Variants in SORL1-AS1 observed in about 807,000 individuals in gnomAD.
SORL1-AS1 encodes SORL1 antisense RNA 1.
At chr11:121,442,346 C>T (rs1182148711), downstream of SORL1-AS1, among the ~76,000 whole-genome samples, 1 of 152,098 alleles carries the variant, frequency 6.6e-6, no homozygotes, top group East Asian at 1.9e-4. Context: ...GATTAAGACT[C>T]AATTGGGGCT....
the SORL1-AS1 span, among the ~76,000 whole-genome samples, chr11:121,441,560 C>A: frequency 1.5e-5 from 2 of 137,266 alleles, no homozygotes; most frequent in African/African-American, 5.8e-5. Context: ...AGAATAAGGC[C>A]TCTATTTCCC....
chr11:121,442,997 G>GC (rs1565293627), downstream of SORL1-AS1, among the ~76,000 whole-genome samples: 1 of 105,754 alleles, frequency 9.5e-6, no homozygotes, highest in African/African-American at 3.4e-5. Context: ...TCTCACAAAA[G>GC]AAAAAAAAAA....
intron 1 of SORL1-AS1, among the ~76,000 whole-genome samples, chr11:121,451,461 G>C (rs1317425716): frequency 6.6e-6 from 1 of 152,172 alleles, no homozygotes; most frequent in African/African-American, 2.4e-5. Context: ...CTCAGTGCTT[G>C]GTCACCTTGG....
rs1343173612 is a variant in SORL1-AS1 at position 121,452,720 on chromosome 11, T to C, written n.294A>G. The C allele has an allele frequency of 2.9e-6, 3 of 1,026,328 alleles. No individual in the cohort carries two copies. Among genetic ancestry groups the C allele is most frequent in the African/African-American group, 1.7e-5 (1 of 59,116 alleles). 63.6% of individuals were successfully genotyped at this position (1,026,328 alleles called of 1,614,324 possible). On this transcript the variant is annotated non_coding_transcript_exon_variant, in exon 1 of 2. Transcript: ENST00000501964. This position sits in a 1 kb window ranked among gnomAD's most constrained non-coding sequence, Gnocchi z 5.3. ...GTCGCCTCCTAGGTGCAGGCACCAC[T>C]GGGGACTTCCCGGCTTGCATTTGTT...
At chr11:121,440,086 C>A in the SORL1-AS1 span, among the ~76,000 whole-genome samples, 1 of 152,126 alleles carries the variant, frequency 6.6e-6, no homozygotes, top group Non-Finnish European at 1.5e-5. Context: ...GGAAATGATA[C>A]CCCAGGGTGG....
At chr11:121,444,467 G>A (rs186333614), downstream of SORL1-AS1, among the ~76,000 whole-genome samples, 184 of 152,314 alleles carry the variant, frequency 1.2e-3, no homozygotes, top group African/African-American at 4.2e-3. Context: ...CAGATCCAGC[G>A]GGTCTCTGGC....
chr11:121,451,283 G>C (rs1039826547), intron 1 of SORL1-AS1, among the ~76,000 whole-genome samples: 1 of 152,208 alleles, frequency 6.6e-6, no homozygotes, highest in Admixed American at 6.5e-5. Context: ...GCGTACCTTA[G>C]CAGTTCCATG....
Position 121,452,519 on chromosome 11 carries a change from G to T in SORL1-AS1, n.339+156C>A. ...CCGCGCGAGCTGCGGCTGTGGGCGCGCGGGGATGCCAGGGGGGCGAGCCGC... is the reference window on the plus strand; with the variant it reads ...CCGCGCGAGCTGCGGCTGTGGGCGCTCGGGGATGCCAGGGGGGCGAGCCGC... On this transcript the variant is annotated intron_variant and non_coding_transcript_variant, in intron 1 of 1. Transcript: ENST00000501964. This position sits in a 1 kb window ranked among gnomAD's most constrained non-coding sequence, Gnocchi z 5.3. 6.8e-7 allele frequency: 1 copy of T among 1,480,046 alleles called. No homozygotes were observed. The highest frequency in any genetic ancestry group is 8.9e-7 in the Non-Finnish European group (1 of 1,120,268). 91.7% of individuals were successfully genotyped at this position (1,480,046 alleles called of 1,614,324 possible).
At chr11:121,440,794 T>G in the SORL1-AS1 span, among the ~76,000 whole-genome samples, 1 of 152,246 alleles carries the variant, frequency 6.6e-6, no homozygotes, top group Non-Finnish European at 1.5e-5. Flanking sequence ...GTCGCATTTC[T>G]ACGTAGCTGT....
downstream of SORL1-AS1, among the ~76,000 whole-genome samples, chr11:121,445,255 C>T (rs940773384): frequency 2.0e-4 from 31 of 152,190 alleles, no homozygotes; most frequent in Non-Finnish European, 4.1e-4. Flanking sequence ...GTCGCACCCT[C>T]TGGGAGATTA....
In SORL1-AS1 at chr11:121,452,415, C is replaced by T. The variant is rs200230538; in HGVS notation, n.339+260G>A. On this transcript the variant is annotated intron_variant and non_coding_transcript_variant, in intron 1 of 1. Transcript: ENST00000501964. The surrounding 1 kb of genome is among the most constrained non-coding windows in gnomAD (Gnocchi z 5.3). ...CACTGCTGCCGCCCGGAGCTCTCTG[C>T]GAAGTCTGGACGCAGAGGCTGCACG... 1 of 1,523,774 alleles carries T rather than the reference C, an allele frequency of 6.6e-7. No homozygotes were observed. The highest frequency in any genetic ancestry group is 8.8e-7 in the Non-Finnish European group (1 of 1,138,718). 94.4% of individuals were successfully genotyped at this position (1,523,774 alleles called of 1,614,324 possible). A position where few individuals can be genotyped will look rare whatever the true frequency, so the allele number is the denominator to read the frequency against.
exon 2 of SORL1-AS1, chr11:121,448,319 T>G (rs2134751760): frequency 6.6e-6 from 1 of 152,340 alleles, no homozygotes; most frequent in Middle Eastern, 3.4e-3. Context: ...ACCTCATCAA[T>G]TATCTTGGAC....
intron 1 of SORL1-AS1, among the ~76,000 whole-genome samples, chr11:121,451,420 A>G (rs1477245524): frequency 6.6e-6 from 1 of 152,076 alleles, no homozygotes; most frequent in Non-Finnish European, 1.5e-5. Flanking sequence ...GGACTGGTAA[A>G]TATGTCTATT....
downstream of SORL1-AS1, among the ~76,000 whole-genome samples, chr11:121,443,236 G>C (rs1048666078): frequency 6.6e-6 from 1 of 152,130 alleles, no homozygotes; most frequent in Non-Finnish European, 1.5e-5. Flanking sequence ...TTGAGATTTA[G>C]AGCTACCCTG....
At chr11:121,444,687 C>T (rs770723278), downstream of SORL1-AS1, among the ~76,000 whole-genome samples, 44 of 152,282 alleles carry the variant, frequency 2.9e-4, no homozygotes, top group Non-Finnish European at 4.4e-4. Context: ...AATGAGGACA[C>T]GGTGGGTGTC....
In SORL1-AS1 at chr11:121,452,548, G is replaced by T. The variant is rs1860819058; in HGVS notation, n.339+127C>A. 1 of 1,502,824 alleles carries T rather than the reference G, an allele frequency of 6.7e-7. No homozygotes were observed. Among genetic ancestry groups the T allele is most frequent in the Non-Finnish European group, 8.8e-7 (1 of 1,132,232 alleles). The allele number at this position is 1,502,824 out of a possible 1,614,324, so 93.1% of individuals were successfully genotyped here. ...GGATGCCAGGGGGGCGAGCCGCGCG[G>T]ACGAGAAGCCGCTCCGGAGGAAACG... On this transcript the variant is annotated intron_variant and non_coding_transcript_variant, in intron 1 of 1. Transcript: ENST00000501964. The surrounding 1 kb of genome is among the most constrained non-coding windows in gnomAD (Gnocchi z 5.3).
At chr11:121,440,146 GTAGA>G in the SORL1-AS1 span, among the ~76,000 whole-genome samples, 1 of 152,204 alleles carries the variant, frequency 6.6e-6, no homozygotes, top group African/African-American at 2.4e-5. Flanking sequence ...GCCAAGGCAG[GTAGA>G]TCACTTGAGG....
At chr11:121,447,297 C>A, downstream of SORL1-AS1, 1 of 152,816 alleles carries the variant, frequency 6.5e-6, no homozygotes, top group Non-Finnish European at 1.4e-5. Flanking sequence ...AACAGTGGAA[C>A]CAAAACTTGA....
In SORL1-AS1 at chr11:121,452,760, G is replaced by A. The variant is rs1201204449; in HGVS notation, n.254C>T. 3 of 661,714 alleles carry A rather than the reference G, an allele frequency of 4.5e-6. No individual in the cohort carries two copies. The highest frequency in any genetic ancestry group is 7.0e-6 in the Non-Finnish European group (3 of 430,258). The allele number at this position is 661,714 out of a possible 1,614,324, so 41.0% of individuals were successfully genotyped here. ...TTGCATTTGTTTTTTTCCTTCACGA[G>A]TACAACCGTCAGCACTTGAATCGCA... On this transcript the variant is annotated non_coding_transcript_exon_variant, in exon 1 of 2. Transcript: ENST00000501964. This position sits in a 1 kb window ranked among gnomAD's most constrained non-coding sequence, Gnocchi z 5.3.
Sources: gnomAD v4.1 joint callset for allele counts (sites outside exome capture counted in the v4.1 genomes callset) on GRCh38, gnomAD v4.1.1 for gene constraint, Gnocchi (gnomAD v3.1) non-coding constraint, MANE v1.5 for transcripts, NCBI Gene and HGNC (gene_info 2026-07-23, HGNC 2026-07-21) for gene names.